ZFR2: variants seen among roughly 807,000 people sequenced by gnomAD.
ZFR2 encodes zinc finger RNA-binding protein 2.
ZFR2 carries 104 observed loss-of-function variants against 105.7 expected under a neutral mutation model. The observed-to-expected ratio is 0.98, with a 90% CI of 0.84 to 1.16. The LOEUF (loss-of-function observed/expected upper bound fraction) is 1.16, where lower values mean the gene tolerates loss of function less well. ZFR2 is among the 50% of genes most tolerant of loss of function. ZFR2 has a pLI of 0.00. For synonymous variants in ZFR2, 634 were observed against 597.7 expected, an observed-to-expected ratio of 1.06 and a Z score of -0.89; for missense variants, 1,425 against 1,355.5, an observed-to-expected ratio of 1.05 and a Z score of -0.80.
chr19:3,837,090 G>A (rs1599241024), intron 1 of ZFR2, among the ~76,000 whole-genome samples: 1 of 152,170 alleles, frequency 6.6e-6, no homozygotes, highest in Non-Finnish European at 1.5e-5. Flanking sequence ...TCAGGGCCGG[G>A]GACAAGGAGA....
rs777956555 is a variant in ZFR2 at position 3,834,268 on chromosome 19, C to T, written c.265-490G>A. 4.6e-5 allele frequency among the ~76,000 whole-genome samples: 7 copies of T among 152,128 alleles called. No individual in the cohort carries two copies. The highest frequency in any genetic ancestry group is 1.9e-4 in the East Asian group (1 of 5,178). On this transcript the variant is annotated intron_variant, in intron 2 of 18. Transcript: ENST00000262961. This position sits in a 1 kb window ranked among gnomAD's most constrained non-coding sequence, Gnocchi z 5.3. ...ATCTTTGCGACACCAAGTGGGAACA[C>T]GGTGGCTGGATCTGCAGCCTGAGTG... is the stretch of plus-strand genomic sequence containing the variant.
chr19:3,861,799 G>GC (rs2038376764), intron 1 of ZFR2, among the ~76,000 whole-genome samples: 1 of 152,226 alleles, frequency 6.6e-6, no homozygotes, highest in African/African-American at 2.4e-5. Context: ...GGTGGTGCAT[G>GC]CCTGTAGTCC....
chr19:3,860,666 G>A (rs1018639102), intron 1 of ZFR2, among the ~76,000 whole-genome samples: 25 of 152,136 alleles, frequency 1.6e-4, no homozygotes, highest in African/African-American at 4.8e-4. Context: ...TGCTGATCAC[G>A]CTAGAGAAGG....
At chr19:3,830,748 G>T (rs754109438) in intron 5 of ZFR2, among the ~76,000 whole-genome samples, 10 of 148,276 alleles carry the variant, frequency 6.7e-5, no homozygotes, top group Admixed American at 1.4e-4. Context: ...TGCAAAGACA[G>T]AGCTCTAGGG....
chr19:3,812,816 T>C (rs551281588), intron 14 of ZFR2, among the ~76,000 whole-genome samples: 65 of 152,260 alleles, frequency 4.3e-4, no homozygotes, highest in African/African-American at 1.4e-3. Context: ...TGGTGGCTCA[T>C]GCCTGTAATC....
In ZFR2 at chr19:3,823,533, G is replaced by A. The variant is rs771124460; in HGVS notation, c.1214-130C>T. The A allele has an allele frequency of 3.2e-5, 31 of 958,782 alleles. No homozygotes were observed. The highest frequency in any genetic ancestry group is 4.2e-5 in the Non-Finnish European group (28 of 663,016). 59.4% of individuals were successfully genotyped at this position (958,782 alleles called of 1,614,324 possible). On this transcript the variant is annotated intron_variant, in intron 7 of 18. Transcript: ENST00000262961. This position sits in a 1 kb window ranked among gnomAD's most constrained non-coding sequence, Gnocchi z 5.4. ...GTGCCATCCCCCTCCCTCCTGTGAT[G>A]TCAGGGGGAATGGCCCCGGACAGCA...
chr19:3,825,670 G>A (rs1330434111), intron 6 of ZFR2, among the ~76,000 whole-genome samples: 1 of 151,450 alleles, frequency 6.6e-6, no homozygotes, highest in Non-Finnish European at 1.5e-5. Flanking sequence ...GTGGCTCACC[G>A]GCTCACACGG....
In ZFR2 at chr19:3,822,117, C is replaced by T. The variant is rs1599229218; in HGVS notation, c.1455G>A (p.Leu485=). ...CSFNDLNAKD[L]HVRGRRHRLQ... ...GCCGGTGCCGCCGCCCCCTCACGTG[C>T]AGGTCCTTCGCGTTAAGGTCGTTGA... Residue 485 remains leucine, a synonymous_variant, in exon 9 of 19, where the codon CTG becomes CTA. Transcript: ENST00000262961. 1 of 1,609,988 alleles carries T rather than the reference C, an allele frequency of 6.2e-7. No homozygotes were observed. Among genetic ancestry groups the T allele is most frequent in the Middle Eastern group, 1.7e-4 (1 of 6,058 alleles).
intron 1 of ZFR2, among the ~76,000 whole-genome samples, chr19:3,850,603 C>T (rs1031217972): frequency 3.3e-5 from 5 of 151,720 alleles, no homozygotes; most frequent in Admixed American, 6.6e-5. Flanking sequence ...AGGAAGAGGC[C>T]GGGCACAGTG....
chr19:3,825,696 C>T (rs1457772384), intron 6 of ZFR2, among the ~76,000 whole-genome samples: 1 of 152,182 alleles, frequency 6.6e-6, no homozygotes. Flanking sequence ...CTTCCTCCTC[C>T]TCCACCACGT....
chr19:3,825,689 C>T (rs779824363), intron 6 of ZFR2, among the ~76,000 whole-genome samples: 1 of 152,166 alleles, frequency 6.6e-6, no homozygotes, highest in Non-Finnish European at 1.5e-5. Context: ...GGACGCTCTT[C>T]CTCCTCCTCC....
chr19:3,843,678 A>G (rs2038156435), intron 1 of ZFR2, among the ~76,000 whole-genome samples: 1 of 151,642 alleles, frequency 6.6e-6, no homozygotes, highest in African/African-American at 2.4e-5. Flanking sequence ...TAAAAATACA[A>G]AAAGAAATTA....
intron 3 of ZFR2, among the ~76,000 whole-genome samples, chr19:3,832,209 C>G (rs2038024441): frequency 6.6e-6 from 1 of 152,174 alleles, no homozygotes; most frequent in African/African-American, 2.4e-5. Context: ...GCTGCATTTT[C>G]AGTCCTCACT....
Position 3,868,996 on chromosome 19 carries a change from C to A in ZFR2, c.22G>T (p.Asp8Tyr), listed in dbSNP as rs2038468623. 1 of 1,379,560 alleles carries A rather than the reference C, an allele frequency of 7.2e-7. No homozygotes were observed. Among genetic ancestry groups the A allele is most frequent in the South Asian group, 1.7e-5 (1 of 57,832 alleles). The allele number at this position is 1,379,560 out of a possible 1,614,324, so 85.5% of individuals were successfully genotyped here. A position where few individuals can be genotyped will look rare whatever the true frequency, so the allele number is the denominator to read the frequency against. The change falls in exon 1 of 19, where the codon GAC becomes TAC. Residue 8 changes from aspartate (D) to tyrosine (Y), a missense_variant. By Grantham distance (160) the Asp-to-Tyr change is radical. Transcript: ENST00000262961. MATSQYF[D>Y]FAQGGGPQYS... Reference sequence around the variant, plus strand: ...TGCGGGCCGCCGCCCTGCGCGAAGTCGAAATACTGACTCGTCGCCATCTTG... The same window carrying A: ...TGCGGGCCGCCGCCCTGCGCGAAGTAGAAATACTGACTCGTCGCCATCTTG...
chr19:3,862,422 C>T (rs970310339), intron 1 of ZFR2, among the ~76,000 whole-genome samples: 6 of 152,124 alleles, frequency 3.9e-5, no homozygotes, highest in Non-Finnish European at 2.9e-5. Context: ...CTCAGCCTCC[C>T]GAGTAGCTGG....
intron 3 of ZFR2, 184 bp downstream of exon 3, chr19:3,833,480 G>A (rs1279321322): frequency 2.0e-6 from 1 of 492,162 alleles, no homozygotes; most frequent in South Asian, 2.5e-5. Context: ...GGAGGCTGAG[G>A]CAGGAGAATG....
intron 3 of ZFR2, among the ~76,000 whole-genome samples, chr19:3,832,616 G>A (rs988667610): frequency 2.7e-5 from 4 of 150,628 alleles, no homozygotes; most frequent in Non-Finnish European, 4.4e-5. Context: ...TGCTGCACCC[G>A]GCCTTTATTT....
chr19:3,818,835 A>C (rs1483765779), intron 12 of ZFR2, among the ~76,000 whole-genome samples: 1 of 152,246 alleles, frequency 6.6e-6, no homozygotes, highest in African/African-American at 2.4e-5. Context: ...AACAGCACGG[A>C]TCACCCGCTG....
intron 1 of ZFR2, among the ~76,000 whole-genome samples, chr19:3,839,329 T>G (rs1461167324): frequency 6.6e-6 from 1 of 151,832 alleles, no homozygotes; most frequent in Non-Finnish European, 1.5e-5. Flanking sequence ...GGTCAGGAGT[T>G]CGAGACCAGC....
Sources: allele counts gnomAD v4.1 joint callset (sites outside exome capture counted in the v4.1 genomes callset), GRCh38; gene constraint gnomAD v4.1.1; non-coding constraint Gnocchi (gnomAD v3.1); transcripts MANE v1.5; gene names NCBI Gene and HGNC (gene_info 2026-07-23, HGNC 2026-07-21).